SPRED2: variants seen among roughly 807,000 people sequenced by gnomAD.
The protein encoded by SPRED2 is sprouty-related, EVH1 domain-containing protein 2.
A neutral mutation model predicts 43.0 loss-of-function variants in SPRED2; 47 were observed. The ratio of observed to expected loss-of-function variants is 1.09; its 90% CI spans 0.87 to 1.40. SPRED2 has a LOEUF of 1.40. Among genes scored for constraint, SPRED2 ranks in the 40% most tolerant of loss-of-function variants. The pLI is 0.00. For missense variants in SPRED2, 561 were observed against 586.4 expected, an observed-to-expected ratio of 0.96 and a Z score of 0.45; for synonymous variants, 225 against 225.7, an observed-to-expected ratio of 1.00 and a Z score of 0.03.
At chr2:65,429,435 T>C (rs891076786) in intron 1 of SPRED2, among the ~76,000 whole-genome samples, 5 of 152,158 alleles carry the variant, frequency 3.3e-5, no homozygotes, top group African/African-American at 1.2e-4. Context: ...AAAGTAGGAA[T>C]CTAGCAAAAA....
At chr2:65,369,063 A>G (rs1334172900) in intron 1 of SPRED2, among the ~76,000 whole-genome samples, 1 of 148,372 alleles carries the variant, frequency 6.7e-6, no homozygotes. Flanking sequence ...TGATGGAGCA[A>G]AAGACCATGT....
chr2:65,366,911 T>A (rs1023487373), intron 1 of SPRED2: 3 of 348,100 alleles, frequency 8.6e-6, no homozygotes, highest in Admixed American at 6.5e-5. Context: ...AATATTGTTT[T>A]AAAAATTCCT....
rs1421769481 is a variant in SPRED2 at position 65,322,244 on chromosome 2, C to A, written c.439-5361G>T. ...GGTCTCCTTTCCTCTCTCTCTCTCT[C>A]TCTCTCTCTCTCTCTCTCTCTCTCT... is the stretch of plus-strand genomic sequence containing the variant. On this transcript the variant is annotated intron_variant, in intron 4 of 5. Transcript: ENST00000356388. 7.0e-3 allele frequency among the ~76,000 whole-genome samples: 472 copies of A among 67,434 alleles called. 10 individuals are homozygous for A. The highest frequency in any genetic ancestry group is 0.035 in the African/African-American group (463 of 13,178). The allele number at this position is 67,434 out of a possible 152,430, so 44.2% of individuals were successfully genotyped here.
At position 65,431,823 on chromosome 2, in the gene SPRED2, C is replaced by T. The variant is rs2103832015; in HGVS notation, c.26+139G>A. 6 of 1,022,366 alleles carry T rather than the reference C, an allele frequency of 5.9e-6. No individual in the cohort carries two copies. In the South Asian group the frequency reaches 6.8e-5, roughly 12 times the overall value. 63.3% of individuals were successfully genotyped at this position (1,022,366 alleles called of 1,614,324 possible). On this transcript the variant is annotated intron_variant, in intron 1 of 5. Transcript: ENST00000356388. ...CACTTCAACAAGCAGGGAAGCCTCG[C>T]GTCCCAACGCCGAAAGGTCAGCGAG...
At chr2:65,399,043 C>T (rs1378860928) in intron 1 of SPRED2, among the ~76,000 whole-genome samples, 3 of 152,060 alleles carry the variant, frequency 2.0e-5, no homozygotes, top group South Asian at 2.1e-4. Context: ...TTTTGTGAGG[C>T]CAAGGTGGGC....
At position 65,311,539 on chromosome 2, in the gene SPRED2, G is replaced by C; in HGVS notation, c.*1962C>G. 4 of 985,844 alleles carry C rather than the reference G, an allele frequency of 4.1e-6. No individual in the cohort carries two copies. In the South Asian group the frequency reaches 1.9e-4, roughly 46 times the overall value. 61.1% of individuals were successfully genotyped at this position (985,844 alleles called of 1,614,324 possible). ...TGTGCTTTGTAGAGAAGAGACCCTA[G>C]AGAAAGACCCCAAGGAAGTGCCTCC... On this transcript the variant is annotated 3_prime_UTR_variant, in exon 6 of 6. Coordinates refer to ENST00000356388, the MANE Select transcript of SPRED2 (RefSeq NM_181784.3).
intron 1 of SPRED2, chr2:65,373,845 G>A (rs1364197785): frequency 6.6e-6 from 1 of 152,140 alleles, no homozygotes; most frequent in East Asian, 1.9e-4. Flanking sequence ...TTCTACAGGG[G>A]GTAGAGATAA....
intron 4 of SPRED2, among the ~76,000 whole-genome samples, chr2:65,322,287 T>A (rs1182344316): frequency 9.6e-6 from 1 of 104,002 alleles, no homozygotes; most frequent in Non-Finnish European, 1.8e-5. Flanking sequence ...TATATATATA[T>A]ATATATATTT....
intron 1 of SPRED2, among the ~76,000 whole-genome samples, chr2:65,383,263 TTTTCC>T: frequency 6.6e-6 from 1 of 152,186 alleles, no homozygotes; most frequent in African/African-American, 2.4e-5. Context: ...TCAACAGAGC[TTTTCC>T]CTCTTGCTCT....
chr2:65,392,117 C>T (rs1355187335), intron 1 of SPRED2, among the ~76,000 whole-genome samples: 1 of 151,154 alleles, frequency 6.6e-6, no homozygotes, highest in East Asian at 1.9e-4. Flanking sequence ...TCTGATATTG[C>T]ACAAACTTAT....
chr2:65,427,233 G>A (rs1030630248), intron 1 of SPRED2, among the ~76,000 whole-genome samples: 2 of 151,278 alleles, frequency 1.3e-5, no homozygotes, highest in African/African-American at 2.5e-5. Context: ...TACCACACGC[G>A]GCTAATTTTT....
At chr2:65,371,635 G>GT (rs2104341079) in intron 1 of SPRED2, among the ~76,000 whole-genome samples, 1 of 152,268 alleles carries the variant, frequency 6.6e-6, no homozygotes, top group East Asian at 1.9e-4. Flanking sequence ...TTCTTAAAGT[G>GT]TAACGGGCTG....
At chr2:65,401,937 G>GCGCGCACGCACA (rs776512353) in intron 1 of SPRED2, among the ~76,000 whole-genome samples, 2,088 of 114,762 alleles carry the variant, frequency 0.018, 82 homozygotes, top group African/African-American at 0.067. Flanking sequence ...GCGCGCGCGC[G>GCGCGCACGCACA]CACACACACA....
chr2:65,318,181 C>T (rs996166513), intron 4 of SPRED2, among the ~76,000 whole-genome samples: 11 of 152,228 alleles, frequency 7.2e-5, no homozygotes, highest in Admixed American at 4.6e-4. Context: ...TGCCACCATC[C>T]GCGTAAGATG....
chr2:65,412,180 T>G (rs1676177750), intron 1 of SPRED2, among the ~76,000 whole-genome samples: 2 of 149,834 alleles, frequency 1.3e-5, no homozygotes, highest in South Asian at 4.2e-4. Context: ...ACAGCAAGGA[T>G]GCAATGACAA....
rs571835326 is a variant in SPRED2 at position 65,386,011 on chromosome 2, G to A, written c.27-41115C>T. Among the ~76,000 whole-genome samples the A allele has an allele frequency of 1.7e-4, 26 of 152,326 alleles. 1 individual carries two copies. The South Asian group carries it at 5.2e-3, about 30-fold the overall frequency. On this transcript the variant is annotated intron_variant, in intron 1 of 5. Coordinates refer to ENST00000356388, the MANE Select transcript of SPRED2 (RefSeq NM_181784.3). Reference sequence around the variant, plus strand: ...TCAGAAAGCACAGGACTGGTCGGGTGCGGTGGCTCACGCCTGTAATCCCAG... The same window carrying A: ...TCAGAAAGCACAGGACTGGTCGGGTACGGTGGCTCACGCCTGTAATCCCAG...
intron 2 of SPRED2, among the ~76,000 whole-genome samples, chr2:65,343,983 C>T (rs983655274): frequency 6.6e-6 from 1 of 151,960 alleles, no homozygotes; most frequent in Non-Finnish European, 1.5e-5. Flanking sequence ...TCTGTCTCTA[C>T]TAAAGATACA....
At chr2:65,400,576 T>C (rs1251617131) in intron 1 of SPRED2, among the ~76,000 whole-genome samples, 1 of 151,990 alleles carries the variant, frequency 6.6e-6, no homozygotes, top group African/African-American at 2.4e-5. Flanking sequence ...GGTGGCCCCA[T>C]GTTCCATCTA....
At chr2:65,319,772 C>T (rs1184428378) in intron 4 of SPRED2, among the ~76,000 whole-genome samples, 1 of 152,114 alleles carries the variant, frequency 6.6e-6, no homozygotes, top group Non-Finnish European at 1.5e-5. Flanking sequence ...GCCAGCAGGT[C>T]ACAGGTAAAA....
Sources: allele counts gnomAD v4.1 joint callset (sites outside exome capture counted in the v4.1 genomes callset), GRCh38; gene constraint gnomAD v4.1.1; transcripts MANE v1.5; gene names NCBI Gene and HGNC (gene_info 2026-07-23, HGNC 2026-07-21).